The following SLC26A7 variants were observed in gnomAD, a reference collection of about 807,000 sequenced individuals.
The protein encoded by SLC26A7 is solute carrier family 26 member 7.
In SLC26A7, 59 loss-of-function variants were observed where a neutral mutation model predicts 82.5. That is an observed-to-expected ratio of 0.72 (90% CI 0.58 to 0.89). The LOEUF (loss-of-function observed/expected upper bound fraction) is 0.89. Ranked by LOEUF, SLC26A7 falls within the 40% of genes least tolerant of loss-of-function variation. SLC26A7 has a pLI of 0.00. For synonymous variants in SLC26A7, 271 were observed against 274.3 expected (o/e 0.99, Z 0.12); for missense variants, 820 against 793.0 (o/e 1.03, Z -0.41).
At chr8:91,335,543 A>G (rs919378116) in intron 6 of SLC26A7, among the ~76,000 whole-genome samples, 13 of 152,184 alleles carry the variant, frequency 8.5e-5, no homozygotes, top group Non-Finnish European at 1.9e-4. Flanking sequence ...TTGGGAAGCT[A>G]TATCGCATGT....
At chr8:91,366,039 C>G (rs372931072) in intron 13 of SLC26A7, among the ~76,000 whole-genome samples, 12 of 152,136 alleles carry the variant, frequency 7.9e-5, no homozygotes, top group African/African-American at 2.2e-4. Context: ...CAATCCAGTT[C>G]CTAGGCCTGC....
At chr8:91,219,584 A>G (rs1390625769) in intron 2 of SLC26A7, among the ~76,000 whole-genome samples, 2 of 152,204 alleles carry the variant, frequency 1.3e-5, no homozygotes, top group Non-Finnish European at 2.9e-5. Context: ...AGAAATGAGA[A>G]TTGTGCTCAT....
chr8:91,379,655 A>G (rs1212822395), intron 15 of SLC26A7, among the ~76,000 whole-genome samples: 1 of 152,222 alleles, frequency 6.6e-6, no homozygotes, highest in Non-Finnish European at 1.5e-5. Context: ...ACACATATGT[A>G]TGAGGTAGAT....
chr8:91,267,956 AT>A (rs1811160393), intron 2 of SLC26A7, among the ~76,000 whole-genome samples: 1 of 151,474 alleles, frequency 6.6e-6, no homozygotes, highest in African/African-American at 2.4e-5. Context: ...TTCCATTTTC[AT>A]TTGTGTTAAG....
chr8:91,341,377 C>T (rs924718708), intron 8 of SLC26A7, among the ~76,000 whole-genome samples: 1 of 151,984 alleles, frequency 6.6e-6, no homozygotes, highest in African/African-American at 2.4e-5. Context: ...TTTCTTGATC[C>T]AGTCTATCAC....
intron 11 of SLC26A7, among the ~76,000 whole-genome samples, 174 bp from the exon 12 acceptor site, chr8:91,362,179 G>A (rs1165623734): frequency 1.3e-5 from 2 of 152,080 alleles, no homozygotes; most frequent in East Asian, 1.9e-4. Context: ...GTCTGATGGA[G>A]CAGGATTTGT....
At chr8:91,327,184 G>C (rs1286771307) in intron 5 of SLC26A7, among the ~76,000 whole-genome samples, 1 of 152,046 alleles carries the variant, frequency 6.6e-6, no homozygotes, top group East Asian at 1.9e-4. Flanking sequence ...TGGTGAGGAG[G>C]TTTTATGTTT....
upstream of SLC26A7, chr8:91,249,201 A>G (rs746413332): frequency 6.9e-4 from 105 of 152,514 alleles, 1 homozygote; most frequent in Admixed American, 2.0e-4. Context: ...TCCTGGTTTC[A>G]TTAGCATAGC....
At chr8:91,217,405 G>T (rs976945137) in intron 1 of SLC26A7, among the ~76,000 whole-genome samples, 2 of 152,044 alleles carry the variant, frequency 1.3e-5, no homozygotes, top group Non-Finnish European at 1.5e-5. Flanking sequence ...CTTTGTTTTG[G>T]CTTTGTTTTC....
At chr8:91,383,999 C>T (rs772144809) in intron 15 of SLC26A7, among the ~76,000 whole-genome samples, 1 of 152,128 alleles carries the variant, frequency 6.6e-6, no homozygotes, top group Non-Finnish European at 1.5e-5. Flanking sequence ...AAACAAGTTC[C>T]CACCCTTATT....
chr8:91,361,036 G>A (rs2130868328), intron 11 of SLC26A7, among the ~76,000 whole-genome samples: 1 of 152,176 alleles, frequency 6.6e-6, no homozygotes, highest in East Asian at 1.9e-4. Context: ...TAATAACCTA[G>A]CATTACATTT....
At chr8:91,276,509 T>A (rs1166285661) in intron 2 of SLC26A7, among the ~76,000 whole-genome samples, 1 of 152,170 alleles carries the variant, frequency 6.6e-6, no homozygotes, top group Non-Finnish European at 1.5e-5. Context: ...GAGTAGGAGA[T>A]GGTGTTCATC....
chr8:91,339,592 T>A (rs756488074), intron 7 of SLC26A7, among the ~76,000 whole-genome samples: 2 of 152,032 alleles, frequency 1.3e-5, no homozygotes, highest in Non-Finnish European at 1.5e-5. Context: ...AAAATCAACA[T>A]GAATTCTCTT....
intron 1 of SLC26A7, among the ~76,000 whole-genome samples, chr8:91,217,492 C>G (rs771305689): frequency 3.3e-5 from 5 of 152,124 alleles, no homozygotes; most frequent in African/African-American, 4.8e-5. Flanking sequence ...AGAGAATGTC[C>G]TGGGGCTGAT....
chr8:91,350,555 C>A (rs891606386), intron 9 of SLC26A7, among the ~76,000 whole-genome samples: 1 of 151,976 alleles, frequency 6.6e-6, no homozygotes, highest in Non-Finnish European at 1.5e-5. Context: ...CAGCCTCTAG[C>A]ATCCTATAAT....
At chr8:91,394,922 C>T in intron 18 of SLC26A7, 140 bp from the exon 19 acceptor site, 1 of 1,012,666 alleles carries the variant, frequency 9.9e-7, no homozygotes, top group Non-Finnish European at 1.5e-6. Flanking sequence ...TTGAACTGCT[C>T]TACTCTGATG....
intron 9 of SLC26A7, among the ~76,000 whole-genome samples, chr8:91,349,124 C>T (rs1193313721): frequency 1.3e-5 from 2 of 152,122 alleles, no homozygotes; most frequent in Non-Finnish European, 2.9e-5. Flanking sequence ...ATTTCCATGA[C>T]TGGGGAGTAT....
intron 4 of SLC26A7, among the ~76,000 whole-genome samples, chr8:91,305,156 G>A (rs1188740997): frequency 6.6e-6 from 1 of 152,068 alleles, no homozygotes; most frequent in Non-Finnish European, 1.5e-5. Flanking sequence ...ATAAATGTGA[G>A]TTGATTAAAT....
intron 2 of SLC26A7, among the ~76,000 whole-genome samples, chr8:91,272,861 G>A (rs1224713468): frequency 6.6e-6 from 1 of 152,158 alleles, no homozygotes; most frequent in Non-Finnish European, 1.5e-5. Flanking sequence ...GCTTGGAAGA[G>A]GCAAGAGGCT....
Sources: allele counts gnomAD v4.1 joint callset (sites outside exome capture counted in the v4.1 genomes callset), GRCh38; gene constraint gnomAD v4.1.1; transcripts MANE v1.5; gene names NCBI Gene and HGNC (gene_info 2026-07-23, HGNC 2026-07-21).